Variants in MTOR observed in about 807,000 individuals in gnomAD.
MTOR encodes the protein serine/threonine-protein kinase mTOR.
MTOR carries 70 observed loss-of-function variants against 319.8 expected under a neutral mutation model. That is an observed-to-expected ratio of 0.22 (90% CI 0.18 to 0.27). The LOEUF (loss-of-function observed/expected upper bound fraction) is 0.27, where lower values mean the gene tolerates loss of function less well. MTOR is among the 10% of genes least tolerant of loss of function. The pLI, the probability that MTOR is intolerant of heterozygous loss-of-function variation, is 1.00. For missense variants in MTOR, 1,890 were observed against 3,274.4 expected (o/e 0.58, Z 10.32); for synonymous variants, 1,183 against 1,211.4 (o/e 0.98, Z 0.49).
chr1:11,140,060 A>T (rs1643619127), intron 34 of MTOR, among the ~76,000 whole-genome samples: 1 of 151,542 alleles, frequency 6.6e-6, no homozygotes, highest in Non-Finnish European at 1.5e-5. Context: ...CCTGACCTTA[A>T]CTGATCTGCC....
At chr1:11,225,229 T>C (rs892970617) in intron 19 of MTOR, among the ~76,000 whole-genome samples, 3 of 152,092 alleles carry the variant, frequency 2.0e-5, no homozygotes, top group Non-Finnish European at 4.4e-5. Context: ...TATTTTAAAT[T>C]TTCCCCCCAC....
chr1:11,130,606 C>T lies in MTOR; in HGVS notation c.5536G>A (p.Gly1846Ser), dbSNP rs2100430815. The T allele has an allele frequency of 6.2e-7, 1 of 1,613,860 alleles. No individual in the cohort carries two copies. Among genetic ancestry groups the T allele is most frequent in the Non-Finnish European group, 8.5e-7 (1 of 1,179,944 alleles). The change falls in exon 39 of 58, where the codon GGC (glycine) becomes AGC (serine). Residue 1846 changes from glycine (G) to serine (S), a missense_variant. By Grantham distance (56) the Gly-to-Ser change is moderately conservative. This residue lies in a region of MTOR where 91 missense variants were observed against 90.4 expected (regional missense o/e 1.01). Coordinates refer to ENST00000361445, the MANE Select transcript of MTOR (RefSeq NM_004958.4). ...ATATTTASTE[G>S]SNSESEAEST... ...TCGGCCTCGCTCTCACTGTTGCTGC[C>T]CTCGGTGCTGGCAGTGGTGGTGGCA...
intron 3 of MTOR, among the ~76,000 whole-genome samples, chr1:11,257,566 GA>G (rs70977557): frequency 0.016 from 1,021 of 64,818 alleles, 14 homozygotes; most frequent in African/African-American, 0.05. Flanking sequence ...CTGTCTCAGA[GA>G]AAAAAAAAAA....
chr1:11,184,749 T>TA (rs943117691), intron 28 of MTOR, among the ~76,000 whole-genome samples: 15 of 151,098 alleles, frequency 9.9e-5, no homozygotes, highest in Admixed American at 5.9e-4. Context: ...AAATAAAAAA[T>TA]AAAAAAAAAT....
intron 30 of MTOR, among the ~76,000 whole-genome samples, chr1:11,153,386 G>C (rs1277985998): frequency 6.6e-6 from 1 of 152,184 alleles, no homozygotes; most frequent in Non-Finnish European, 1.5e-5. Context: ...AAGCGGGCTG[G>C]TGCCATAATA....
chr1:11,136,163 T>C (rs1361896981), intron 36 of MTOR, among the ~76,000 whole-genome samples: 2 of 151,950 alleles, frequency 1.3e-5, no homozygotes, highest in African/African-American at 4.8e-5. Flanking sequence ...ACAAAAAACA[T>C]GTTAGTGATG....
intron 28 of MTOR, among the ~76,000 whole-genome samples, chr1:11,179,895 C>G (rs937070464): frequency 6.6e-6 from 1 of 152,314 alleles, no homozygotes; most frequent in Admixed American, 6.5e-5. Flanking sequence ...TCAGCACGAA[C>G]ATAGAAGTTT....
chr1:11,124,860 T>C (rs1334579661), intron 46 of MTOR, among the ~76,000 whole-genome samples: 1 of 152,262 alleles, frequency 6.6e-6, no homozygotes, highest in Non-Finnish European at 1.5e-5. Flanking sequence ...AAATCTGTTT[T>C]TGAGGACCAG....
At chr1:11,153,082 G>C (rs1244018672) in intron 30 of MTOR, among the ~76,000 whole-genome samples, 3 of 152,152 alleles carry the variant, frequency 2.0e-5, no homozygotes, top group Non-Finnish European at 2.9e-5. Context: ...TAACACAAAG[G>C]AATTGGAGGA....
chr1:11,229,063 A>G (rs1379816042), intron 18 of MTOR, 145 bp from the exon 19 acceptor site: 3 of 1,087,974 alleles, frequency 2.8e-6, no homozygotes, highest in African/African-American at 3.1e-5. Context: ...TTGGGAGTTC[A>G]AGGTCTATTA....
Position 11,194,912 on chromosome 1 carries a change from G to A in MTOR, c.4253+4346C>T, listed in dbSNP as rs763330970. The A allele has an allele frequency of 4.0e-5, 64 of 1,614,052 alleles. No individual in the cohort carries two copies. In the South Asian group the frequency reaches 6.5e-4, roughly 16 times the overall value. ...ACCTCAATGGAGTGTACTACCGCCT[G>A]GGTGAGCACAATAAGCACCTGGATG... On this transcript the variant is annotated intron_variant, in intron 28 of 57. Transcript: ENST00000361445.
At chr1:11,160,993 T>C (rs1557788410) in intron 29 of MTOR, among the ~76,000 whole-genome samples, 1 of 152,156 alleles carries the variant, frequency 6.6e-6, no homozygotes, top group Admixed American at 6.5e-5. Context: ...AGGCATCACC[T>C]CACCCCGGAA....
At chr1:11,236,027 T>G (rs1157299885) in intron 13 of MTOR, among the ~76,000 whole-genome samples, 1 of 150,942 alleles carries the variant, frequency 6.6e-6, no homozygotes, top group East Asian at 1.9e-4. Flanking sequence ...GCTTGTTGAC[T>G]GCTATATTCC....
At chr1:11,249,986 C>G (rs1489842514) in intron 6 of MTOR, among the ~76,000 whole-genome samples, 1 of 141,052 alleles carries the variant, frequency 7.1e-6, no homozygotes, top group East Asian at 2.4e-4. Context: ...CACTTCCCAG[C>G]AGGGGCGGCC....
At position 11,106,884 on chromosome 1, in the gene MTOR, T is replaced by C. The variant is rs1641604348; in HGVS notation, c.*601A>G. ...TCCCTACTAGCGGTCAGGTCTTGAA[T>C]TGAAGCGTGTGAGTCGCAGCATCAC... On this transcript the variant is annotated 3_prime_UTR_variant, in exon 58 of 58. Coordinates refer to ENST00000361445, the MANE Select transcript of MTOR (RefSeq NM_004958.4). The C allele has an allele frequency of 1.5e-6, 2 of 1,357,094 alleles. No individual in the cohort carries two copies. Among genetic ancestry groups the C allele is most frequent in the Non-Finnish European group, 9.7e-7 (1 of 1,032,564 alleles). The allele number at this position is 1,357,094 out of a possible 1,614,324, so 84.1% of individuals were successfully genotyped here. A position where few individuals can be genotyped will look rare whatever the true frequency, so the allele number is the denominator to read the frequency against.
At chr1:11,116,885 A>T (rs1362453978) in intron 50 of MTOR, 119 bp downstream of exon 50, 2 of 762,028 alleles carry the variant, frequency 2.6e-6, no homozygotes, top group Non-Finnish European at 4.4e-6. Flanking sequence ...GACCTTACAT[A>T]TACAATACCA....
rs773546615 is a variant in MTOR, at chr1:11,130,676, C to T, written c.5466G>A (p.Gly1822=). Residue 1822 remains glycine, a synonymous_variant, in exon 39 of 58, where the codon GGG becomes GGA. Coordinates refer to ENST00000361445, the MANE Select transcript of MTOR (RefSeq NM_004958.4). ...CAGTGGTGGCGTTGGTGATGTTGGC[C>T]CCGCTGGCATGACGCAGTTTCTTCT... is the stretch of plus-strand genomic sequence containing the variant. ...DEKKKLRHAS[G]ANITNATTAA... The T allele has an allele frequency of 6.2e-7, 1 of 1,611,548 alleles. No homozygotes were observed. Among genetic ancestry groups the T allele is most frequent in the Non-Finnish European group, 8.5e-7 (1 of 1,179,082 alleles).
In MTOR at chr1:11,234,178, G is replaced by A. The variant is rs951016084; in HGVS notation, c.2296C>T (p.Arg766Ter). 1 of 1,614,066 alleles carries A rather than the reference G, an allele frequency of 6.2e-7. No homozygotes were observed. Among genetic ancestry groups the A allele is most frequent in the Non-Finnish European group, 8.5e-7 (1 of 1,180,002 alleles). Residue 766 changes from arginine to a stop codon, truncating the protein, a stop_gained, in exon 14 of 58, where the codon CGA becomes TGA. Coordinates refer to ENST00000361445, the MANE Select transcript of MTOR (RefSeq NM_004958.4). LOFTEE classifies it high-confidence loss of function. ...GGCTCCATGTAGGGGCGGATGAGTC[G>A]GGGGGCATTGGAGACCAGGTGCCCC... ...MLGHLVSNAP[R>*]LIRPYMEPIL... is the part of the protein sequence containing the mutation.
At chr1:11,258,357 T>A in intron 3 of MTOR, 128 bp downstream of exon 3, 1 of 688,436 alleles carries the variant, frequency 1.5e-6, no homozygotes, top group Non-Finnish European at 2.5e-6. Flanking sequence ...GCTGCTAGAA[T>A]TAAAAGCCAC....
Sources: allele counts gnomAD v4.1 joint callset (sites outside exome capture counted in the v4.1 genomes callset), GRCh38; gene constraint gnomAD v4.1.1; regional missense constraint gnomAD v4.1.1; transcripts MANE v1.5; gene names NCBI Gene and HGNC (gene_info 2026-07-23, HGNC 2026-07-21).